The following WNK2 variants were observed in gnomAD, a reference collection of about 807,000 sequenced individuals.
WNK2 encodes the protein serine/threonine-protein kinase WNK2.
WNK2 carries 67 observed loss-of-function variants against 192.1 expected under a neutral mutation model. That is an observed-to-expected ratio of 0.35 (90% CI 0.29 to 0.43). The LOEUF is 0.43. Ranked by LOEUF, WNK2 falls within the 20% of genes least tolerant of loss-of-function variation. The pLI, the probability that WNK2 is intolerant of heterozygous loss-of-function variation, is 1.00. For missense variants in WNK2, 2,698 were observed against 3,089.7 expected (o/e 0.87, Z 3.01); for synonymous variants, 1,439 against 1,393.9 (o/e 1.03, Z -0.72).
At chr9:93,293,421 G>T (rs549515054) in intron 23 of WNK2, among the ~76,000 whole-genome samples, 1 of 151,758 alleles carries the variant, frequency 6.6e-6, no homozygotes, top group Non-Finnish European at 1.5e-5. Flanking sequence ...CCGGGTTCAA[G>T]CGATTCTCCT....
chr9:93,275,844 A>G (rs1846781201), intron 19 of WNK2, among the ~76,000 whole-genome samples: 1 of 152,222 alleles, frequency 6.6e-6, no homozygotes, highest in Non-Finnish European at 1.5e-5. Context: ...TTTGAAGGCT[A>G]TACCATTTAT....
chr9:93,225,495 T>C (rs1243341941), intron 2 of WNK2, among the ~76,000 whole-genome samples: 3 of 152,226 alleles, frequency 2.0e-5, no homozygotes, highest in Non-Finnish European at 2.9e-5. Context: ...AGCCCACCTC[T>C]AAGAGGCACC....
intron 26 of WNK2, among the ~76,000 whole-genome samples, chr9:93,305,885 G>A (rs1298476914): frequency 1.3e-5 from 2 of 152,192 alleles, no homozygotes; most frequent in Non-Finnish European, 2.9e-5. Flanking sequence ...AGGCTTTGCC[G>A]AGTGACCTTG....
chr9:93,305,936 G>C (rs990215526), intron 26 of WNK2, among the ~76,000 whole-genome samples: 8 of 152,210 alleles, frequency 5.3e-5, no homozygotes, highest in Admixed American at 2.6e-4. Flanking sequence ...AGCTCTGCCT[G>C]CCTATAGGAT....
intron 12 of WNK2, among the ~76,000 whole-genome samples, chr9:93,260,146 G>A (rs111555574): frequency 1.7e-4 from 26 of 152,290 alleles, no homozygotes; most frequent in African/African-American, 5.1e-4. Context: ...CAGGTCAGGC[G>A]GATACCTCGT....
intron 3 of WNK2, among the ~76,000 whole-genome samples, chr9:93,230,399 C>G (rs961514922): frequency 1.3e-5 from 2 of 152,186 alleles, no homozygotes; most frequent in Non-Finnish European, 2.9e-5. Context: ...AGAGGAGAGC[C>G]CTTTTCTTAG....
intron 2 of WNK2, among the ~76,000 whole-genome samples, chr9:93,206,157 C>T (rs558766631): frequency 2.9e-4 from 44 of 152,334 alleles, no homozygotes; most frequent in South Asian, 1.7e-3. Flanking sequence ...GTCTCCTGTC[C>T]TCCCTGCCAA....
At chr9:93,319,218 A>G (rs1225661710) in intron 29 of WNK2, 1 of 1,610,936 alleles carries the variant, frequency 6.2e-7, no homozygotes. Flanking sequence ...ACAGTGTGAA[A>G]CAACATCTTT....
At chr9:93,242,235 G>A (rs1840893030) in intron 7 of WNK2, among the ~76,000 whole-genome samples, 1 of 152,190 alleles carries the variant, frequency 6.6e-6, no homozygotes, top group South Asian at 2.1e-4. Flanking sequence ...CAAGCTGGCT[G>A]CACTATCACC....
intron 19 of WNK2, among the ~76,000 whole-genome samples, chr9:93,285,767 T>G (rs889039274): frequency 2.6e-5 from 4 of 152,314 alleles, no homozygotes; most frequent in Admixed American, 2.0e-4. Context: ...AAGGATACCA[T>G]TCTCCCAGAT....
At chr9:93,298,338 G>A (rs1352963041) in intron 24 of WNK2, among the ~76,000 whole-genome samples, 5 of 152,240 alleles carry the variant, frequency 3.3e-5, no homozygotes, top group South Asian at 2.1e-4. Flanking sequence ...GGCTGTGCCA[G>A]GGAAGCTCAG....
chr9:93,190,561 C>A (rs1196889310), intron 2 of WNK2, among the ~76,000 whole-genome samples: 1 of 152,260 alleles, frequency 6.6e-6, no homozygotes, highest in African/African-American at 2.4e-5. Context: ...TTTGATTTGC[C>A]ATTGCCAAAG....
At chr9:93,318,052 C>T (rs758617819) in intron 29 of WNK2, 2 of 1,611,936 alleles carry the variant, frequency 1.2e-6, no homozygotes. Context: ...CGCGCCGTCT[C>T]CACACCCACT....
At position 93,311,689 on chromosome 9, in the gene WNK2, G is replaced by A. The variant is rs188966108; in HGVS notation, c.6516+3105G>A. Among the ~76,000 whole-genome samples, 12 of 151,460 alleles carry A rather than the reference G, an allele frequency of 7.9e-5. No homozygotes were observed. In the East Asian group the frequency reaches 1.6e-3, roughly 20 times the overall value. ...TGCCCAGGCTGGAGTGCAATGACACGATCTTGGCTCACTGTAACCTCTACC... is the reference window on the plus strand; with the variant it reads ...TGCCCAGGCTGGAGTGCAATGACACAATCTTGGCTCACTGTAACCTCTACC... On this transcript the variant is annotated intron_variant, in intron 28 of 29. Coordinates refer to ENST00000427277, the MANE Select transcript of WNK2 (RefSeq NM_006648.4).
intron 2 of WNK2, among the ~76,000 whole-genome samples, chr9:93,199,229 C>T (rs1310669655): frequency 6.6e-6 from 1 of 152,228 alleles, no homozygotes; most frequent in South Asian, 2.1e-4. Context: ...TGGGCCACCT[C>T]TCTCCCATTC....
chr9:93,272,812 A>G (rs1384039024), intron 19 of WNK2, among the ~76,000 whole-genome samples: 1 of 151,672 alleles, frequency 6.6e-6, no homozygotes, highest in African/African-American at 2.4e-5. Flanking sequence ...TTAATTAAAA[A>G]ACAGAGAGAA....
At chr9:93,288,563 G>A (rs573296834) in intron 19 of WNK2, among the ~76,000 whole-genome samples, 4 of 152,318 alleles carry the variant, frequency 2.6e-5, no homozygotes, top group Non-Finnish European at 5.9e-5. Context: ...GGGACCTGGA[G>A]TTGCGAAGCT....
At chr9:93,310,112 G>C (rs180956215) in intron 28 of WNK2, among the ~76,000 whole-genome samples, 1,901 of 152,262 alleles carry the variant, frequency 0.012, 25 homozygotes, top group Middle Eastern at 0.02. Context: ...AGCTGAATCT[G>C]TTCCCTTCTC....
chr9:93,247,597 C>T lies in WNK2; in HGVS notation c.1597C>T (p.Arg533Cys), dbSNP rs1175737848. The T allele has an allele frequency of 8.1e-6, 13 of 1,606,318 alleles. No individual in the cohort carries two copies. Among genetic ancestry groups the T allele is most frequent in the African/African-American group, 1.3e-5 (1 of 74,812 alleles). The change falls in exon 8 of 30, where the codon CGT becomes TGT. Residue 533 changes from arginine to cysteine, a missense_variant. This residue lies in a region of WNK2 where 230 missense variants were observed against 501.1 expected (regional missense o/e 0.46). Transcript: ENST00000427277. This position sits in a 1 kb window ranked among gnomAD's most constrained non-coding sequence, Gnocchi z 5.2. ...SDVKIVAKSI[R>C]DRVALIQWRR... is the part of the protein sequence containing the mutation. Reference sequence around the variant, plus strand: ...CGTCAAGATCGTGGCCAAGTCCATCCGTGACCGCGTGGCCTTGATCCAGTG... The same window carrying T: ...CGTCAAGATCGTGGCCAAGTCCATCTGTGACCGCGTGGCCTTGATCCAGTG...
Sources: allele counts gnomAD v4.1 joint callset (sites outside exome capture counted in the v4.1 genomes callset), GRCh38; gene constraint gnomAD v4.1.1; regional missense constraint gnomAD v4.1.1; non-coding constraint Gnocchi (gnomAD v3.1); transcripts MANE v1.5; gene names NCBI Gene and HGNC (gene_info 2026-07-23, HGNC 2026-07-21).